XKR4: variants seen among roughly 807,000 people sequenced by gnomAD.
XKR4 encodes the protein XK-related protein 4.
Under a neutral mutation model 53.9 loss-of-function variants are expected in XKR4, and 12 were observed. That is an observed-to-expected ratio of 0.22 (90% CI 0.14 to 0.36). XKR4 has a LOEUF of 0.36. XKR4 is among the 10% of genes least tolerant of loss of function. The pLI is 1.00. For missense variants in XKR4, 799 were observed against 859.5 expected, an observed-to-expected ratio of 0.93 and a Z score of 0.88; for synonymous variants, 354 against 362.4, an observed-to-expected ratio of 0.98 and a Z score of 0.26.
intron 1 of XKR4, among the ~76,000 whole-genome samples, chr8:55,319,695 A>G (rs927924512): frequency 1.3e-5 from 2 of 152,258 alleles, no homozygotes; most frequent in African/African-American, 4.8e-5. Context: ...TATTAATAAT[A>G]TAACAAAGTA....
intron 1 of XKR4, among the ~76,000 whole-genome samples, chr8:55,174,859 C>T (rs2129358971): frequency 6.6e-6 from 1 of 152,286 alleles, no homozygotes; most frequent in Middle Eastern, 3.4e-3. Flanking sequence ...TGTGTCACAG[C>T]ATGACTGTCT....
intron 1 of XKR4, among the ~76,000 whole-genome samples, chr8:55,323,592 A>G (rs1374832238): frequency 6.6e-6 from 1 of 152,238 alleles, no homozygotes; most frequent in Admixed American, 6.5e-5. Flanking sequence ...TCCATTCACC[A>G]GTTAAAGGAC....
intron 2 of XKR4, chr8:55,520,946 T>C (rs1294269571): frequency 6.6e-6 from 1 of 152,282 alleles, no homozygotes; most frequent in African/African-American, 2.4e-5. Context: ...ATTTTTTCAC[T>C]GCTTTGGAAA....
intron 1 of XKR4, among the ~76,000 whole-genome samples, chr8:55,204,145 G>A (rs939143660): frequency 6.8e-6 from 1 of 146,850 alleles, no homozygotes; most frequent in African/African-American, 2.4e-5. Flanking sequence ...GGAGTAGCTG[G>A]GACTATACCA....
chr8:55,476,501 T>C (rs1314305191), intron 2 of XKR4, among the ~76,000 whole-genome samples: 1 of 152,048 alleles, frequency 6.6e-6, no homozygotes, highest in Admixed American at 6.6e-5. Flanking sequence ...GATGGGTGAT[T>C]TCTGCATTTC....
At chr8:55,409,564 A>AT (rs1433158739) in intron 2 of XKR4, among the ~76,000 whole-genome samples, 1 of 103,606 alleles carries the variant, frequency 9.7e-6, no homozygotes, top group Admixed American at 9.7e-5. Context: ...AACATGAAAC[A>AT]GTTTTTTTTT....
intron 2 of XKR4, among the ~76,000 whole-genome samples, chr8:55,400,746 C>A (rs1804587202): frequency 6.6e-6 from 1 of 152,142 alleles, no homozygotes; most frequent in Admixed American, 6.5e-5. Context: ...TAACACAGAC[C>A]CAGATATGTT....
chr8:55,336,736 G>A (rs561326347), intron 1 of XKR4, among the ~76,000 whole-genome samples: 1 of 152,018 alleles, frequency 6.6e-6, no homozygotes, highest in East Asian at 1.9e-4. Context: ...AGAGGGGGAG[G>A]GAGAAAGATA....
rs566459421 is a variant in XKR4, at chr8:55,450,071, G to A, written c.1007-73210G>A. On this transcript the variant is annotated intron_variant, in intron 2 of 2. Coordinates refer to ENST00000327381, the MANE Select transcript of XKR4 (RefSeq NM_052898.2). ...CGTCCATCTGGCCGGGCTTCAAGGCGCCATGCAGCCTTCACGCGGTCCCAG... is the reference window on the plus strand; with the variant it reads ...CGTCCATCTGGCCGGGCTTCAAGGCACCATGCAGCCTTCACGCGGTCCCAG... 255 of 735,854 alleles carry A rather than the reference G, an allele frequency of 3.5e-4. No homozygotes were observed. In the African/African-American group the frequency reaches 4.1e-3, roughly 12 times the overall value. The allele number at this position is 735,854 out of a possible 1,614,324, so 45.6% of individuals were successfully genotyped here. A position where few individuals can be genotyped will look rare whatever the true frequency, so the allele number is the denominator to read the frequency against.
chr8:55,433,428 C>T (rs1805129706), intron 2 of XKR4, among the ~76,000 whole-genome samples: 1 of 152,144 alleles, frequency 6.6e-6, no homozygotes, highest in African/African-American at 2.4e-5. Context: ...AATAATAAAT[C>T]ATTAACTTGG....
chr8:55,264,674 T>C (rs1019577566), intron 1 of XKR4, among the ~76,000 whole-genome samples: 1 of 152,242 alleles, frequency 6.6e-6, no homozygotes, highest in Non-Finnish European at 1.5e-5. Context: ...GGTTTGCAAG[T>C]TGTCCTTAAG....
At chr8:55,466,160 T>C (rs1805764891) in intron 2 of XKR4, among the ~76,000 whole-genome samples, 1 of 152,092 alleles carries the variant, frequency 6.6e-6, no homozygotes. Context: ...GGATTATAAA[T>C]CATGCTGCTA....
At chr8:55,371,468 T>C (rs1276888399) in intron 2 of XKR4, among the ~76,000 whole-genome samples, 1 of 152,206 alleles carries the variant, frequency 6.6e-6, no homozygotes, top group African/African-American at 2.4e-5. Context: ...TATTTCTGAC[T>C]TTTGAGTCTG....
At chr8:55,305,769 C>G (rs907091538) in intron 1 of XKR4, among the ~76,000 whole-genome samples, 1 of 152,106 alleles carries the variant, frequency 6.6e-6, no homozygotes, top group Admixed American at 6.6e-5. Flanking sequence ...ACCCACCAAG[C>G]TCAATGCCCT....
intron 2 of XKR4, among the ~76,000 whole-genome samples, chr8:55,462,826 T>C (rs1390406893): frequency 6.6e-6 from 1 of 152,196 alleles, no homozygotes; most frequent in African/African-American, 2.4e-5. Flanking sequence ...GTTGCAATCC[T>C]AGTCTCAGGT....
At chr8:55,365,222 G>T (rs1240139243) in intron 2 of XKR4, among the ~76,000 whole-genome samples, 1 of 152,204 alleles carries the variant, frequency 6.6e-6, no homozygotes, top group Non-Finnish European at 1.5e-5. Context: ...AGCCTGCTGT[G>T]CGCGCTGGCT....
At chr8:55,140,942 T>G (rs1055350950) in intron 1 of XKR4, among the ~76,000 whole-genome samples, 1 of 152,256 alleles carries the variant, frequency 6.6e-6, no homozygotes, top group African/African-American at 2.4e-5. Context: ...GTGACAAGCA[T>G]TTTTTAATAA....
intron 2 of XKR4, among the ~76,000 whole-genome samples, chr8:55,410,993 G>T (rs1804768755): frequency 6.6e-6 from 1 of 152,186 alleles, no homozygotes; most frequent in Admixed American, 6.5e-5. Context: ...CTGCCAGGAA[G>T]GCCTGCCATC....
chr8:55,301,987 A>C (rs910389341), intron 1 of XKR4, among the ~76,000 whole-genome samples: 66 of 152,118 alleles, frequency 4.3e-4, no homozygotes, highest in African/African-American at 1.0e-3. Flanking sequence ...TGTGCAGAAG[A>C]TCTTTAGTTT....
Sources: allele counts gnomAD v4.1 joint callset (sites outside exome capture counted in the v4.1 genomes callset), GRCh38; gene constraint gnomAD v4.1.1; transcripts MANE v1.5; gene names NCBI Gene and HGNC (gene_info 2026-07-23, HGNC 2026-07-21).